The following B4GALNT2 variants were observed in gnomAD, a reference collection of about 807,000 sequenced individuals.
B4GALNT2 encodes the protein N-acetylneuraminylgalactosylglucosyl-glucoside beta-1,4-N- acetylgalactosaminyltransferase 2.
A neutral mutation model predicts 51.1 loss-of-function variants in B4GALNT2; 42 were observed. The ratio of observed to expected loss-of-function variants is 0.82; its 90% CI spans 0.64 to 1.06. B4GALNT2 has a LOEUF of 1.06. Among genes scored for constraint, B4GALNT2 ranks in the 50% least tolerant of loss-of-function variants. B4GALNT2 has a pLI of 0.00. For missense variants in B4GALNT2, 602 were observed against 633.6 expected (o/e 0.95, Z 0.54); for synonymous variants, 253 against 251.7 (o/e 1.01, Z -0.05).
chr17:49,132,751 G>A (rs1226624860), upstream of B4GALNT2: 2 of 1,390,268 alleles, frequency 1.4e-6, no homozygotes, highest in African/African-American at 1.5e-5. Flanking sequence ...CTGGCTGCTA[G>A]GCTCCGTGAC....
chr17:49,158,636 C>CAAAA (rs770885158), intron 5 of B4GALNT2, among the ~76,000 whole-genome samples: 6 of 74,124 alleles, frequency 8.1e-5, no homozygotes, highest in African/African-American at 1.1e-4. Context: ...GACTCCATCT[C>CAAAA]AAAAAAAAAA....
At chr17:49,164,049 T>C (rs1598215403) in intron 7 of B4GALNT2, 39 bp from the exon 8 acceptor site, 1 of 1,586,462 alleles carries the variant, frequency 6.3e-7, no homozygotes, top group Non-Finnish European at 8.6e-7. Flanking sequence ...TGAAGCTTCC[T>C]ACAGGACAGA....
the B4GALNT2 span, among the ~76,000 whole-genome samples, chr17:49,122,570 A>G: frequency 6.6e-6 from 1 of 152,190 alleles, no homozygotes; most frequent in Non-Finnish European, 1.5e-5. Context: ...CCATGCTATG[A>G]TTTTGTTCCC....
intron 8 of B4GALNT2, among the ~76,000 whole-genome samples, chr17:49,164,890 C>T (rs980513093): frequency 6.6e-5 from 10 of 152,088 alleles, no homozygotes; most frequent in Admixed American, 1.3e-4. Context: ...GTGATCATGG[C>T]AGCCTCAACC....
intron 7 of B4GALNT2, among the ~76,000 whole-genome samples, chr17:49,162,962 G>T (rs1436777343): frequency 6.6e-6 from 1 of 150,768 alleles, no homozygotes; most frequent in African/African-American, 2.4e-5. Flanking sequence ...CAGGGGGAGG[G>T]TTCTGGAACA....
intron 3 of B4GALNT2, among the ~76,000 whole-genome samples, chr17:49,142,527 C>CA (rs112599580): frequency 0.24 from 36,003 of 151,602 alleles, 4,621 homozygotes; most frequent in East Asian, 0.44. Context: ...CCCATCTCTA[C>CA]AAAACATTTT....
intron 3 of B4GALNT2, among the ~76,000 whole-genome samples, chr17:49,147,260 G>A (rs1191958469): frequency 6.6e-6 from 1 of 152,102 alleles, no homozygotes; most frequent in Non-Finnish European, 1.5e-5. Context: ...CTGTGTGTTA[G>A]TGCTACATTA....
At chr17:49,168,293 C>A (rs2042928773) in intron 9 of B4GALNT2, among the ~76,000 whole-genome samples, 1 of 152,180 alleles carries the variant, frequency 6.6e-6, no homozygotes, top group Non-Finnish European at 1.5e-5. Flanking sequence ...CAGCTCCCTG[C>A]AAGAAATCTA....
At chr17:49,152,114 C>T (rs1347421728) in intron 3 of B4GALNT2, among the ~76,000 whole-genome samples, 1 of 152,098 alleles carries the variant, frequency 6.6e-6, no homozygotes, top group Non-Finnish European at 1.5e-5. Flanking sequence ...TGGTGGCTCT[C>T]TCCTATAGTC....
chr17:49,154,937 G>A (rs1412031482), intron 4 of B4GALNT2, among the ~76,000 whole-genome samples: 1 of 151,954 alleles, frequency 6.6e-6, no homozygotes, highest in African/African-American at 2.4e-5. Flanking sequence ...ATGCATTTGG[G>A]GTCAAGCACT....
chr17:49,132,890 G>A, intron 1 of B4GALNT2, 84 bp downstream of exon 1: 1 of 1,376,486 alleles, frequency 7.3e-7, no homozygotes, highest in Admixed American at 4.0e-5. Flanking sequence ...CGTCTGCAGA[G>A]CGGGCAGGTG....
chr17:49,141,144 C>T, intron 1 of B4GALNT2, 103 bp from the exon 2 acceptor site: 3 of 1,096,540 alleles, frequency 2.7e-6, no homozygotes, highest in Admixed American at 3.5e-5. Context: ...CCAATATAAG[C>T]TATGTGCTTA....
the B4GALNT2 span, among the ~76,000 whole-genome samples, chr17:49,122,775 A>T: frequency 3.3e-5 from 5 of 152,154 alleles, no homozygotes; most frequent in African/African-American, 4.8e-5. Flanking sequence ...TCCTGCTATG[A>T]GGATAATAAT....
At chr17:49,165,510 C>A (rs1298569026) in intron 8 of B4GALNT2, among the ~76,000 whole-genome samples, 1 of 107,012 alleles carries the variant, frequency 9.3e-6, no homozygotes, top group Non-Finnish European at 1.9e-5. Flanking sequence ...CCCACTGTCT[C>A]TCTCACTCCC....
chr17:49,164,451 G>T (rs2042892948), intron 8 of B4GALNT2, among the ~76,000 whole-genome samples, 176 bp downstream of exon 8: 1 of 151,658 alleles, frequency 6.6e-6, no homozygotes, highest in Non-Finnish European at 1.5e-5. Context: ...AGAGAAATTG[G>T]TCACCCTCAC....
Position 49,156,557 on chromosome 17 carries a change from G to A in B4GALNT2, c.461-9G>A, listed in dbSNP as rs989959367. On this transcript the variant is annotated splice_polypyrimidine_tract_variant and intron_variant, in intron 4 of 10. Transcript: ENST00000393354. ...AGCAGTTTTCTTTCCTTTTCCCTGT[G>A]TCCTCCAGGCCTCCAGTTTGAAGGA... 1 of 1,613,642 alleles carries A rather than the reference G, an allele frequency of 6.2e-7. No individual in the cohort carries two copies. Among genetic ancestry groups the A allele is most frequent in the East Asian group, 2.2e-5 (1 of 44,856 alleles).
the B4GALNT2 span, among the ~76,000 whole-genome samples, chr17:49,120,504 G>C: frequency 6.6e-6 from 1 of 151,486 alleles, no homozygotes; most frequent in African/African-American, 2.4e-5. Flanking sequence ...GTGTGTGTGT[G>C]TGTGTGTGTG....
rs1017969488 is a variant in B4GALNT2, at chr17:49,176,476, C to T, written c.*6748C>T. The T allele has an allele frequency of 3.9e-5, 6 of 152,240 alleles. No homozygotes were observed. The highest frequency in any genetic ancestry group is 4.8e-5 in the African/African-American group (2 of 41,456). The allele number at this position is 152,240 out of a possible 1,614,324, so 9.4% of individuals were successfully genotyped here. A position where few individuals can be genotyped will look rare whatever the true frequency, so the allele number is the denominator to read the frequency against. On this transcript the variant is annotated 3_prime_UTR_variant, in exon 11 of 11. Transcript: ENST00000393354. Reference sequence around the variant, plus strand: ...ATGGGCTCTGGCTAGTTATCTGCCACGTCCTTAAGGCACAGCTCGCTCATG... The same window carrying T: ...ATGGGCTCTGGCTAGTTATCTGCCATGTCCTTAAGGCACAGCTCGCTCATG...
intron 9 of B4GALNT2, among the ~76,000 whole-genome samples, chr17:49,167,928 A>G (rs72835418): frequency 0.11 from 17,209 of 151,922 alleles, 1,152 homozygotes; most frequent in South Asian, 0.18. Context: ...AACCACTCTT[A>G]ACCTCCTACC....
Sources: allele counts gnomAD v4.1 joint callset (sites outside exome capture counted in the v4.1 genomes callset), GRCh38; gene constraint gnomAD v4.1.1; transcripts MANE v1.5; gene names NCBI Gene and HGNC (gene_info 2026-07-23, HGNC 2026-07-21).